TMEM132D: variants seen among roughly 807,000 people sequenced by gnomAD.
TMEM132D encodes mature OL transmembrane protein.
A neutral mutation model predicts 62.3 loss-of-function variants in TMEM132D; 21 were observed. That is an observed-to-expected ratio of 0.34 (90% confidence interval 0.24 to 0.49). The LOEUF (loss-of-function observed/expected upper bound fraction) is 0.49, where lower values mean the gene tolerates loss of function less well. Among genes scored for constraint, TMEM132D ranks in the 20% least tolerant of loss-of-function variants. The pLI is 0.99. For synonymous variants in TMEM132D, 621 were observed against 575.6 expected (o/e 1.08, Z -1.13); for missense variants, 1,346 against 1,402.8 (o/e 0.96, Z 0.65).
intron 7 of TMEM132D, among the ~76,000 whole-genome samples, chr12:129,080,424 G>A (rs926933362): frequency 5.3e-5 from 8 of 152,172 alleles, no homozygotes; most frequent in Admixed American, 4.6e-4. Flanking sequence ...TAGCTTCTCA[G>A]CCTTTAGAGA....
intron 4 of TMEM132D, among the ~76,000 whole-genome samples, chr12:129,288,752 G>A (rs1258729646): frequency 6.6e-6 from 1 of 152,188 alleles, no homozygotes; most frequent in Non-Finnish European, 1.5e-5. Flanking sequence ...ATAATGGAAA[G>A]CAGGATCTGG....
intron 2 of TMEM132D, among the ~76,000 whole-genome samples, chr12:129,566,123 A>G (rs1321139652): frequency 6.6e-6 from 1 of 152,208 alleles, no homozygotes; most frequent in African/African-American, 2.4e-5. Context: ...GAAAAGAATG[A>G]CTAAGAAATT....
At chr12:129,435,434 C>A (rs1029315324) in intron 3 of TMEM132D, among the ~76,000 whole-genome samples, 2 of 152,208 alleles carry the variant, frequency 1.3e-5, no homozygotes, top group African/African-American at 2.4e-5. Context: ...TACAGTCCCA[C>A]CAACAGTGTA....
chr12:129,703,924 C>CA (rs67547532), intron 1 of TMEM132D, among the ~76,000 whole-genome samples: 7,895 of 140,844 alleles, frequency 0.056, 353 homozygotes, highest in African/African-American at 0.12. Flanking sequence ...CGGTAATAGG[C>CA]AAAAAAAAAA....
chr12:129,372,935 G>A (rs1007147622), intron 3 of TMEM132D, among the ~76,000 whole-genome samples: 5 of 152,116 alleles, frequency 3.3e-5, no homozygotes, highest in African/African-American at 7.2e-5. Flanking sequence ...TGTCTTCCAC[G>A]AAACTGGTTC....
chr12:129,349,399 T>C (rs923045017), intron 3 of TMEM132D, among the ~76,000 whole-genome samples: 1 of 152,164 alleles, frequency 6.6e-6, no homozygotes, highest in African/African-American at 2.4e-5. Flanking sequence ...TAGGCAGAAG[T>C]AGCTTTGTGC....
intron 3 of TMEM132D, among the ~76,000 whole-genome samples, chr12:129,343,752 C>CA (rs200249777): frequency 2.8e-4 from 25 of 89,970 alleles, no homozygotes; most frequent in East Asian, 2.6e-3. Context: ...TCTCTTAAAA[C>CA]AAAAAAAACA....
rs116252664 is a variant in TMEM132D, at chr12:129,207,131, A to C, written c.1443+2389T>G. Among the ~76,000 whole-genome samples, 466 of 152,290 alleles carry C rather than the reference A, an allele frequency of 3.1e-3. 1 individual carries two copies. Among genetic ancestry groups the C allele is most frequent in the African/African-American group, 0.01 (433 of 41,558 alleles). On this transcript the variant is annotated intron_variant, in intron 5 of 8. Coordinates refer to ENST00000422113, the MANE Select transcript of TMEM132D (RefSeq NM_133448.3). The stretch of plus-strand genomic sequence containing the variant: ...TAAAAGTTAAAAACACACAAAAAGA[A>C]AAAAACAAACAAAAAACCCCCCACT...
chr12:129,690,518 G>A (rs746455953), intron 2 of TMEM132D, among the ~76,000 whole-genome samples: 14 of 152,112 alleles, frequency 9.2e-5, no homozygotes, highest in South Asian at 2.1e-4. Context: ...TCATGCTAAC[G>A]ATAATAAATA....
intron 5 of TMEM132D, among the ~76,000 whole-genome samples, chr12:129,166,948 G>T (rs1360902982): frequency 6.6e-6 from 1 of 152,044 alleles, no homozygotes. Context: ...CAGATCACTT[G>T]AGGTCACGAG....
intron 4 of TMEM132D, among the ~76,000 whole-genome samples, chr12:129,222,789 C>T (rs887138093): frequency 6.6e-6 from 1 of 152,086 alleles, no homozygotes; most frequent in African/African-American, 2.4e-5. Context: ...TTAAAGGGTA[C>T]ACATTTTCAG....
chr12:129,139,434 G>A (rs1876675091), intron 5 of TMEM132D, among the ~76,000 whole-genome samples: 1 of 152,192 alleles, frequency 6.6e-6, no homozygotes, highest in African/African-American at 2.4e-5. Flanking sequence ...CAGCACCAGT[G>A]CAATCCTGCT....
At chr12:129,609,435 C>T (rs1878712851) in intron 2 of TMEM132D, among the ~76,000 whole-genome samples, 1 of 152,090 alleles carries the variant, frequency 6.6e-6, no homozygotes, top group Non-Finnish European at 1.5e-5. Flanking sequence ...ACCCCCGTGG[C>T]ATGGTTGGCA....
rs548073214 is a variant in TMEM132D at position 129,825,352 on chromosome 12, G to A, written c.79+77909C>T. 1.5e-4 allele frequency among the ~76,000 whole-genome samples: 23 copies of A among 152,104 alleles called. No individual in the cohort carries two copies. The South Asian group carries it at 2.3e-3, about 15-fold the overall frequency. Reference sequence around the variant, plus strand: ...TTCTTCCGTGTCTCCCTGGGTGGGCGACTGCTTCAGGCTCAAGCTCCTCTC... The same window carrying A: ...TTCTTCCGTGTCTCCCTGGGTGGGCAACTGCTTCAGGCTCAAGCTCCTCTC... On this transcript the variant is annotated intron_variant, in intron 1 of 8. Coordinates refer to ENST00000422113, the MANE Select transcript of TMEM132D (RefSeq NM_133448.3).
At chr12:129,734,945 G>T (rs1418934391) in intron 1 of TMEM132D, among the ~76,000 whole-genome samples, 2 of 151,960 alleles carry the variant, frequency 1.3e-5, no homozygotes, top group African/African-American at 4.8e-5. Flanking sequence ...GATAATCATA[G>T]AAACAAAAAG....
Position 129,538,184 on chromosome 12 carries a change from A to G in TMEM132D, c.969-6979T>C, listed in dbSNP as rs775623116. Among the ~76,000 whole-genome samples, 3 of 152,236 alleles carry G rather than the reference A, an allele frequency of 2.0e-5. No homozygotes were observed. In the East Asian group the frequency reaches 5.8e-4, roughly 29 times the overall value. On this transcript the variant is annotated intron_variant, in intron 2 of 8. Transcript: ENST00000422113. Reference sequence around the variant, plus strand: ...AATCAATGGACACACACAAAGATACAAGGAAGAAAGCAAACAAAAACAAAA... The same window carrying G: ...AATCAATGGACACACACAAAGATACGAGGAAGAAAGCAAACAAAAACAAAA...
chr12:129,859,513 A>C (rs1026292481), intron 1 of TMEM132D, among the ~76,000 whole-genome samples: 1 of 152,166 alleles, frequency 6.6e-6, no homozygotes, highest in East Asian at 1.9e-4. Context: ...ATAGCTGGTA[A>C]AGTATCATTT....
intron 2 of TMEM132D, among the ~76,000 whole-genome samples, chr12:129,653,127 G>A (rs532758932): frequency 1.2e-4 from 19 of 152,296 alleles, no homozygotes; most frequent in Middle Eastern, 3.4e-3. Flanking sequence ...GAAGAGATTG[G>A]AATTCCACGC....
intron 1 of TMEM132D, among the ~76,000 whole-genome samples, chr12:129,784,174 G>A (rs922766272): frequency 3.9e-5 from 6 of 152,178 alleles, no homozygotes; most frequent in Non-Finnish European, 7.3e-5. Flanking sequence ...CCTGGTAACT[G>A]AGGCCATCCC....
Sources: gnomAD v4.1 joint callset for allele counts (sites outside exome capture counted in the v4.1 genomes callset) on GRCh38, gnomAD v4.1.1 for gene constraint, MANE v1.5 for transcripts, NCBI Gene and HGNC (gene_info 2026-07-23, HGNC 2026-07-21) for gene names.